EYA2: variants seen among roughly 807,000 people sequenced by gnomAD.
EYA2 encodes the protein protein phosphatase EYA2.
A neutral mutation model predicts 69.2 loss-of-function variants in EYA2; 31 were observed. That is an observed-to-expected ratio of 0.45 (90% CI 0.34 to 0.60). The LOEUF is 0.60. EYA2 is among the 20% of genes least tolerant of loss of function. The probability of loss-of-function intolerance (pLI) is 0.02; values close to 1 mark genes in which losing one functional copy is unlikely to be tolerated. For synonymous variants in EYA2, 257 were observed against 279.4 expected (o/e 0.92, Z 0.80); for missense variants, 622 against 701.2 (o/e 0.89, Z 1.28).
chr20:47,182,624 C>T (rs112331944), intron 14 of EYA2, among the ~76,000 whole-genome samples: 5,516 of 41,182 alleles, frequency 0.13, 879 homozygotes, highest in African/African-American at 0.52. Flanking sequence ...AACGAGACTC[C>T]GTCTAAAAAA....
At chr20:47,117,523 C>T (rs950013388) in intron 9 of EYA2, 3 of 985,392 alleles carry the variant, frequency 3.0e-6, no homozygotes, top group Non-Finnish European at 3.6e-6. Context: ...GGTGTTATTA[C>T]GTGATTCCGG....
At chr20:47,098,874 C>T (rs2032341283) in intron 9 of EYA2, among the ~76,000 whole-genome samples, 1 of 152,234 alleles carries the variant, frequency 6.6e-6, no homozygotes. Flanking sequence ...TCATGAGTAG[C>T]CTCCTGCCCC....
intron 1 of EYA2, among the ~76,000 whole-genome samples, chr20:46,961,889 A>G (rs1979497462): frequency 6.6e-6 from 1 of 152,254 alleles, no homozygotes; most frequent in Non-Finnish European, 1.5e-5. Context: ...GGTGAACCAG[A>G]GGCTGCTTAA....
intron 10 of EYA2, among the ~76,000 whole-genome samples, chr20:47,150,747 A>G (rs1376208972): frequency 1.3e-5 from 2 of 152,030 alleles, no homozygotes; most frequent in Non-Finnish European, 2.9e-5. Context: ...GATTACAGGC[A>G]TGAGCCACCT....
chr20:47,110,647 G>A (rs775353145), intron 9 of EYA2, among the ~76,000 whole-genome samples: 4 of 152,218 alleles, frequency 2.6e-5, no homozygotes, highest in African/African-American at 4.8e-5. Context: ...CAGGGACTGG[G>A]TCTGATGTGT....
At chr20:47,159,133 T>C (rs2034014454) in intron 10 of EYA2, among the ~76,000 whole-genome samples, 1 of 152,126 alleles carries the variant, frequency 6.6e-6, no homozygotes, top group South Asian at 2.1e-4. Flanking sequence ...CATAGTGACT[T>C]CTTTCCAAAG....
intron 9 of EYA2, chr20:47,117,524 G>A (rs80299451): frequency 2.0e-5 from 20 of 985,328 alleles, no homozygotes; most frequent in South Asian, 4.7e-5. Flanking sequence ...GTGTTATTAC[G>A]TGATTCCGGC....
intron 1 of EYA2, among the ~76,000 whole-genome samples, chr20:46,908,788 A>G (rs1378389855): frequency 6.8e-6 from 1 of 146,412 alleles, no homozygotes; most frequent in East Asian, 2.2e-4. Flanking sequence ...CCAGGCTCAT[A>G]GTGTACGATC....
At chr20:46,934,360 T>TCCCTC (rs35287557) in intron 1 of EYA2, among the ~76,000 whole-genome samples, 53,452 of 151,560 alleles carry the variant, frequency 0.35, 10,111 homozygotes, top group Non-Finnish European at 0.43. Context: ...CCAGCTTCCT[T>TCCCTC]GTCGTGGTGG....
intron 9 of EYA2, among the ~76,000 whole-genome samples, chr20:47,128,845 A>T (rs1199811041): frequency 6.6e-6 from 1 of 152,218 alleles, no homozygotes; most frequent in Non-Finnish European, 1.5e-5. Context: ...AAAAATGGCC[A>T]GGCACGGTGG....
rs8119943 is a variant in EYA2 at position 47,049,759 on chromosome 20, C to T, written c.416-22426C>T. On this transcript the variant is annotated intron_variant, in intron 5 of 15. Coordinates refer to ENST00000327619, the MANE Select transcript of EYA2 (RefSeq NM_005244.5). ...CAACCTCTTTGCTTTAAAAATTACC[C>T]AGCTTCAGGTGTTTCTTTATAGCAT... Among the ~76,000 whole-genome samples, 456 of 152,188 alleles carry T rather than the reference C, an allele frequency of 3.0e-3. 2 individuals carry two copies. Among genetic ancestry groups the T allele is most frequent in the African/African-American group, 0.01 (432 of 41,522 alleles).
rs548982448 is a variant in EYA2, at chr20:47,020,572, A to G, written c.415+4275A>G. On this transcript the variant is annotated intron_variant, in intron 5 of 15. Coordinates refer to ENST00000327619, the MANE Select transcript of EYA2 (RefSeq NM_005244.5). ...CTGGTAAAACACTGCTATTCACAGA[A>G]ATAACCACAAAGATTAAAAAGAGGG... 2.6e-5 allele frequency among the ~76,000 whole-genome samples: 4 copies of G among 152,266 alleles called. No individual in the cohort carries two copies. The East Asian group carries it at 7.7e-4, about 29-fold the overall frequency.
intron 1 of EYA2, among the ~76,000 whole-genome samples, chr20:46,987,887 A>G (rs569877643): frequency 2.6e-4 from 34 of 131,146 alleles, no homozygotes; most frequent in Non-Finnish European, 4.5e-4. Flanking sequence ...AGATTGCACC[A>G]CTGTACTCCA....
chr20:46,939,691 A>T (rs1398453833), intron 1 of EYA2, among the ~76,000 whole-genome samples: 1 of 152,222 alleles, frequency 6.6e-6, no homozygotes, highest in Non-Finnish European at 1.5e-5. Flanking sequence ...AGCAGGACTG[A>T]TATTCTTAGA....
rs184622508 is a variant in EYA2 at position 47,001,948 on chromosome 20, C to A, written c.155+475C>A. ...AATCTCCCTTCTATTTTTTTTTTCTCCGAGACAGAGTCTTGCTCTGTCACC... is the reference window on the plus strand; with the variant it reads ...AATCTCCCTTCTATTTTTTTTTTCTACGAGACAGAGTCTTGCTCTGTCACC... On this transcript the variant is annotated intron_variant, in intron 3 of 15. Coordinates refer to ENST00000327619, the MANE Select transcript of EYA2 (RefSeq NM_005244.5). 3.2e-4 allele frequency among the ~76,000 whole-genome samples: 47 copies of A among 148,370 alleles called. No homozygotes were observed. In the East Asian group the frequency reaches 7.3e-3, roughly 23 times the overall value.
chr20:46,904,588 G>A (rs887215885), intron 1 of EYA2, among the ~76,000 whole-genome samples: 4 of 152,020 alleles, frequency 2.6e-5, no homozygotes, highest in Non-Finnish European at 5.9e-5. Context: ...AAATAAAAGG[G>A]AAGTAATGGG....
At chr20:47,143,574 T>C (rs1170911461) in intron 10 of EYA2, among the ~76,000 whole-genome samples, 1 of 152,092 alleles carries the variant, frequency 6.6e-6, no homozygotes, top group Non-Finnish European at 1.5e-5. Flanking sequence ...TACATTCCCC[T>C]GAAAGCATGT....
At position 47,016,279 on chromosome 20, in the gene EYA2, T is replaced by C. The variant is rs771105381; in HGVS notation, c.397T>C (p.Tyr133His). The change falls in exon 5 of 16, where the codon TAC becomes CAC. Residue 133 changes from tyrosine to histidine, a missense_variant. By Grantham distance (83) the Tyr-to-His change is moderately conservative. This residue lies in a region of EYA2 where 365 missense variants were observed against 349.7 expected (regional missense o/e 1.04). Transcript: ENST00000327619. ...CACCTCACCCACTGGACAGAGCCCA[T>C]ACACCTACCAGATGCACGGTCAGTG... ...FSTSPTGQSP[Y>H]TYQMHGTTGF... is the part of the protein sequence containing the mutation. 28 of 1,614,030 alleles carry C rather than the reference T, an allele frequency of 1.7e-5. 1 individual carries two copies. In the South Asian group the frequency reaches 3.0e-4, roughly 17 times the overall value.
chr20:46,962,561 G>A (rs1052933865), intron 1 of EYA2, among the ~76,000 whole-genome samples: 28 of 152,088 alleles, frequency 1.8e-4, no homozygotes, highest in Admixed American at 1.8e-3. Flanking sequence ...AGAAATCTAA[G>A]TTGCTTTCTC....
Sources: allele counts gnomAD v4.1 joint callset (sites outside exome capture counted in the v4.1 genomes callset), GRCh38; gene constraint gnomAD v4.1.1; regional missense constraint gnomAD v4.1.1; transcripts MANE v1.5; gene names NCBI Gene and HGNC (gene_info 2026-07-23, HGNC 2026-07-21).